LEMD3: variants seen among roughly 807,000 people sequenced by gnomAD.
LEMD3 encodes the protein inner nuclear membrane protein Man1.
A neutral mutation model predicts 95.2 loss-of-function variants in LEMD3; 33 were observed. That is an observed-to-expected ratio of 0.35 (90% CI 0.26 to 0.46). LEMD3 has a LOEUF of 0.46. Among genes scored for constraint, LEMD3 ranks in the 20% least tolerant of loss-of-function variants. The pLI is 1.00. For missense variants in LEMD3, 1,210 were observed against 1,192.8 expected, an observed-to-expected ratio of 1.01 and a Z score of -0.21; for synonymous variants, 525 against 474.6, an observed-to-expected ratio of 1.11 and a Z score of -1.38.
At chr12:65,218,293 T>C (rs937800646) in intron 3 of LEMD3, among the ~76,000 whole-genome samples, 1 of 152,220 alleles carries the variant, frequency 6.6e-6, no homozygotes, top group Admixed American at 6.5e-5. Flanking sequence ...AGTTCTTGTT[T>C]GGACTGAAAT....
intron 1 of LEMD3, among the ~76,000 whole-genome samples, chr12:65,205,465 C>T (rs917672637): frequency 6.6e-6 from 1 of 152,036 alleles, no homozygotes; most frequent in African/African-American, 2.4e-5. Context: ...GAGTTTTGAC[C>T]TTTTACTTCC....
chr12:65,179,022 G>A (rs1868818794), intron 1 of LEMD3, among the ~76,000 whole-genome samples: 1 of 152,054 alleles, frequency 6.6e-6, no homozygotes. Flanking sequence ...TTAAGGGGGA[G>A]GGGGCATCTG....
chr12:65,215,787 A>G (rs1870088852), intron 2 of LEMD3, among the ~76,000 whole-genome samples, 190 bp from the exon 3 acceptor site: 1 of 152,110 alleles, frequency 6.6e-6, no homozygotes. Flanking sequence ...AAATATTTAG[A>G]GTAATAATTT....
In LEMD3 at chr12:65,192,839, G is replaced by GCAA. The variant is rs562067460; in HGVS notation, c.1523-18086_1523-18084dup. Among the ~76,000 whole-genome samples, 20 of 152,182 alleles carry GCAA rather than the reference G, an allele frequency of 1.3e-4. No individual in the cohort carries two copies. The South Asian group carries it at 3.3e-3, about 25-fold the overall frequency. ...AATATCTGTCATTTAATTTAACTTA[G>GCAA]CAAAACTCCAATAGTGTAAGTTAAC... On this transcript the variant is annotated intron_variant, in intron 1 of 12. Coordinates refer to ENST00000308330, the MANE Select transcript of LEMD3 (RefSeq NM_014319.5).
intron 1 of LEMD3, among the ~76,000 whole-genome samples, chr12:65,203,226 A>G (rs1247651689): frequency 6.6e-6 from 1 of 152,146 alleles, no homozygotes; most frequent in Admixed American, 6.6e-5. Flanking sequence ...GGCCTTGGCA[A>G]TGATCTTGTG....
At chr12:65,223,176 C>T (rs1870343805) in intron 4 of LEMD3, among the ~76,000 whole-genome samples, 1 of 152,062 alleles carries the variant, frequency 6.6e-6, no homozygotes, top group African/African-American at 2.4e-5. Context: ...TTGTTCAAGT[C>T]CTCTGCTCCC....
At chr12:65,171,169 T>G (rs376326383) in intron 1 of LEMD3, 51 bp downstream of exon 1, 5 of 1,601,034 alleles carry the variant, frequency 3.1e-6, no homozygotes, top group Non-Finnish European at 4.2e-6. Context: ...TTGTTAGTGG[T>G]CCGCTTTAGC....
intron 3 of LEMD3, among the ~76,000 whole-genome samples, chr12:65,216,574 C>G (rs1162957137): frequency 6.6e-6 from 1 of 151,562 alleles, no homozygotes; most frequent in Non-Finnish European, 1.5e-5. Flanking sequence ...TAATTAGTAT[C>G]AAGTTTAGCA....
intron 1 of LEMD3, among the ~76,000 whole-genome samples, chr12:65,183,624 C>T (rs529433213): frequency 6.6e-6 from 1 of 152,240 alleles, no homozygotes; most frequent in East Asian, 1.9e-4. Context: ...TGTAGAGGAG[C>T]AGGATTTAAA....
intron 10 of LEMD3, among the ~76,000 whole-genome samples, chr12:65,244,840 A>C (rs1345736216): frequency 6.6e-6 from 1 of 151,948 alleles, no homozygotes; most frequent in African/African-American, 2.4e-5. Flanking sequence ...AGTCCCAGCT[A>C]TCTGGGAGGC....
intron 1 of LEMD3, among the ~76,000 whole-genome samples, chr12:65,194,809 T>TAATTATAATTTAGATTATAATTTATA (rs1565784531): frequency 1.5e-3 from 89 of 60,518 alleles, no homozygotes; most frequent in Middle Eastern, 0.01. Context: ...ACTATTATCT[T>TAATTATAATTTAGATTATAATTTATA]AATTATACTT....
intron 4 of LEMD3, among the ~76,000 whole-genome samples, chr12:65,235,616 G>A (rs1197925321): frequency 6.6e-6 from 1 of 152,018 alleles, no homozygotes; most frequent in African/African-American, 2.4e-5. Context: ...ATCTAGAAAT[G>A]ATTTAAAGTA....
At chr12:65,244,509 G>A (rs1871036919) in intron 10 of LEMD3, among the ~76,000 whole-genome samples, 1 of 152,064 alleles carries the variant, frequency 6.6e-6, no homozygotes, top group Non-Finnish European at 1.5e-5. Context: ...CCTTACTACA[G>A]CAGAAACACC....
At chr12:65,182,028 C>T (rs186916072) in intron 1 of LEMD3, among the ~76,000 whole-genome samples, 51 of 151,966 alleles carry the variant, frequency 3.4e-4, no homozygotes, top group African/African-American at 1.2e-3. Flanking sequence ...ATGAGGGTAA[C>T]TACTCATACT....
intron 1 of LEMD3, among the ~76,000 whole-genome samples, chr12:65,184,214 T>A (rs549351556): frequency 6.6e-6 from 1 of 152,336 alleles, no homozygotes; most frequent in South Asian, 2.1e-4. Context: ...TGAATTACAT[T>A]TGGATTCCTA....
chr12:65,185,101 C>A (rs1248730375), intron 1 of LEMD3, among the ~76,000 whole-genome samples: 1 of 152,034 alleles, frequency 6.6e-6, no homozygotes, highest in Non-Finnish European at 1.5e-5. Flanking sequence ...GGTCTACAGG[C>A]ACACACCACC....
At chr12:65,172,188 G>A (rs74101703) in intron 1 of LEMD3, among the ~76,000 whole-genome samples, 5,711 of 152,182 alleles carry the variant, frequency 0.038, 352 homozygotes, top group African/African-American at 0.13. Context: ...ATAAGATGAG[G>A]CCTCTATTGA....
At position 65,243,675 on chromosome 12, in the gene LEMD3, T is replaced by G. The variant is rs571164232; in HGVS notation, c.2387+206T>G. On this transcript the variant is annotated intron_variant, in intron 10 of 12. Transcript: ENST00000308330. ...TAATGTATAAAGATTTGTAAAACTTTTATAAATCTTTGTATTCCTTATGAA... is the reference window on the plus strand; with the variant it reads ...TAATGTATAAAGATTTGTAAAACTTGTATAAATCTTTGTATTCCTTATGAA... Among the ~76,000 whole-genome samples the G allele has an allele frequency of 3.3e-5, 5 of 152,354 alleles. No homozygotes were observed. The East Asian group carries it at 9.6e-4, about 29-fold the overall frequency.
chr12:65,179,131 A>G (rs549868540), intron 1 of LEMD3, among the ~76,000 whole-genome samples: 1 of 152,294 alleles, frequency 6.6e-6, no homozygotes, highest in Non-Finnish European at 1.5e-5. Context: ...ACTGGTAGGG[A>G]AAGTGATCTT....
Sources: gnomAD v4.1 joint callset for allele counts (sites outside exome capture counted in the v4.1 genomes callset) on GRCh38, gnomAD v4.1.1 for gene constraint, MANE v1.5 for transcripts, NCBI Gene and HGNC (gene_info 2026-07-23, HGNC 2026-07-21) for gene names.